KIAA0232: variants seen among roughly 807,000 people sequenced by gnomAD.
KIAA0232 encodes the protein KIAA0232, also known as uncharacterized protein KIAA0232.
Under a neutral mutation model 122.0 loss-of-function variants are expected in KIAA0232, and 27 were observed. That is an observed-to-expected ratio of 0.22 (90% CI 0.16 to 0.31). The LOEUF (loss-of-function observed/expected upper bound fraction) is 0.31. Among genes scored for constraint, KIAA0232 ranks in the 10% least tolerant of loss-of-function variants. The pLI is 1.00. For synonymous variants in KIAA0232, 613 were observed against 587.6 expected, an observed-to-expected ratio of 1.04 and a Z score of -0.63; for missense variants, 1,551 against 1,634.2, an observed-to-expected ratio of 0.95 and a Z score of 0.88.
At chr4:6,808,478 T>C (rs922200817) in intron 2 of KIAA0232, among the ~76,000 whole-genome samples, 2 of 144,050 alleles carry the variant, frequency 1.4e-5, no homozygotes. Flanking sequence ...AGTACCATAC[T>C]AGATCAAAGG....
chr4:6,810,460 T>C (rs1055281358), intron 2 of KIAA0232, among the ~76,000 whole-genome samples: 6 of 152,268 alleles, frequency 3.9e-5, no homozygotes, highest in African/African-American at 1.2e-4. Context: ...CGTTAAGACC[T>C]GAAACTATAA....
intron 9 of KIAA0232, among the ~76,000 whole-genome samples, chr4:6,877,220 G>T (rs1337458464): frequency 6.6e-6 from 1 of 152,068 alleles, no homozygotes; most frequent in Non-Finnish European, 1.5e-5. Context: ...CCCTTTCCGT[G>T]TCCTCCTGCA....
intron 1 of KIAA0232, among the ~76,000 whole-genome samples, chr4:6,786,115 G>T (rs1335306137): frequency 6.6e-6 from 1 of 152,076 alleles, no homozygotes; most frequent in African/African-American, 2.4e-5. Flanking sequence ...TCTGGCTGTG[G>T]TGTCTATCCT....
chr4:6,832,213 A>C (rs184465897), intron 3 of KIAA0232, among the ~76,000 whole-genome samples: 16 of 152,312 alleles, frequency 1.1e-4, no homozygotes, highest in Admixed American at 7.2e-4. Context: ...CTGTATTTAA[A>C]ATAGAAGCCT....
chr4:6,792,582 T>C (rs1250134331), intron 1 of KIAA0232, among the ~76,000 whole-genome samples: 1 of 152,150 alleles, frequency 6.6e-6, no homozygotes, highest in African/African-American at 2.4e-5. Flanking sequence ...GCTCATAAAG[T>C]TTATAAAGGC....
chr4:6,807,082 T>C lies in KIAA0232; in HGVS notation c.-270+2476T>C, dbSNP rs74718809. Among the ~76,000 whole-genome samples the C allele has an allele frequency of 3.8e-3, 505 of 131,190 alleles. 2 individuals carry two copies. Among genetic ancestry groups the C allele is most frequent in the African/African-American group, 0.015 (482 of 31,166 alleles). 86.1% of individuals were successfully genotyped at this position (131,190 alleles called of 152,430 possible). On this transcript the variant is annotated intron_variant, in intron 2 of 9. Coordinates refer to ENST00000307659, the MANE Select transcript of KIAA0232 (RefSeq NM_014743.3). ...TCTATCTATCTATCTATCTATCTATTTAAGACAGGGTCCTGCTATGTTGCC... is the reference window on the plus strand; with the variant it reads ...TCTATCTATCTATCTATCTATCTATCTAAGACAGGGTCCTGCTATGTTGCC...
At position 6,861,694 on chromosome 4, in the gene KIAA0232, G is replaced by A. The variant is rs1447292290; in HGVS notation, c.1312G>A (p.Val438Met). The change falls in exon 7 of 10, where the codon GTG (valine) becomes ATG (methionine). Residue 438 changes from valine (V) to methionine (M), a missense_variant. Coordinates refer to ENST00000307659, the MANE Select transcript of KIAA0232 (RefSeq NM_014743.3). ...QDTSDLTSEA[V>M]EELSESVHGL... ...TACAAGTGATCTGACATCAGAGGCA[G>A]TGGAAGAATTGTCTGAATCAGTGCA... The A allele has an allele frequency of 6.2e-7, 1 of 1,614,134 alleles. No homozygotes were observed. Among genetic ancestry groups the A allele is most frequent in the Non-Finnish European group, 8.5e-7 (1 of 1,180,036 alleles).
At chr4:6,803,011 C>CAAAAA (rs746215162) in intron 1 of KIAA0232, among the ~76,000 whole-genome samples, 11 of 48,484 alleles carry the variant, frequency 2.3e-4, no homozygotes, top group African/African-American at 8.7e-4. Context: ...CTGTCTTGAC[C>CAAAAA]AAAAAAAAAA....
chr4:6,865,374 A>G (rs960663928), intron 7 of KIAA0232, among the ~76,000 whole-genome samples: 1 of 152,174 alleles, frequency 6.6e-6, no homozygotes, highest in Non-Finnish European at 1.5e-5. Context: ...ATCTCAGCTC[A>G]CTGCAACCTC....
intron 1 of KIAA0232, among the ~76,000 whole-genome samples, chr4:6,803,858 A>G (rs1021065477): frequency 2.6e-5 from 4 of 152,160 alleles, no homozygotes; most frequent in Non-Finnish European, 5.9e-5. Context: ...TGACTTGAAC[A>G]TATCTGAAAT....
intron 2 of KIAA0232, among the ~76,000 whole-genome samples, chr4:6,805,601 G>T (rs138981751): frequency 6.6e-6 from 1 of 151,998 alleles, no homozygotes; most frequent in Non-Finnish European, 1.5e-5. Flanking sequence ...AGATATTTGT[G>T]GTTTTGAGTT....
chr4:6,860,420 A>G (rs1423236128), intron 6 of KIAA0232, among the ~76,000 whole-genome samples: 3 of 152,208 alleles, frequency 2.0e-5, no homozygotes, highest in Admixed American at 6.5e-5. Context: ...TTTTAACCGC[A>G]TATATTTTCA....
chr4:6,874,068 A>G (rs986682514), intron 8 of KIAA0232, among the ~76,000 whole-genome samples: 3 of 152,232 alleles, frequency 2.0e-5, no homozygotes, highest in Non-Finnish European at 4.4e-5. Context: ...CAGTAAGGCG[A>G]GGAAACAGGC....
intron 2 of KIAA0232, among the ~76,000 whole-genome samples, chr4:6,816,258 C>T (rs1318172288): frequency 6.7e-6 from 1 of 150,196 alleles, no homozygotes; most frequent in East Asian, 1.9e-4. Flanking sequence ...GCATATTGGT[C>T]TTCTTTGTTT....
chr4:6,828,840 T>G (rs1269782899), intron 3 of KIAA0232, among the ~76,000 whole-genome samples: 2 of 152,192 alleles, frequency 1.3e-5, no homozygotes, highest in African/African-American at 4.8e-5. Flanking sequence ...GCATGTACTT[T>G]TTAAGATCAA....
chr4:6,835,522 G>A (rs1719217988), intron 3 of KIAA0232, among the ~76,000 whole-genome samples: 1 of 152,142 alleles, frequency 6.6e-6, no homozygotes, highest in African/African-American at 2.4e-5. Context: ...CAATGTGCAG[G>A]TTCGTTACAT....
intron 1 of KIAA0232, among the ~76,000 whole-genome samples, chr4:6,794,054 G>C (rs1177399171): frequency 6.6e-6 from 1 of 152,242 alleles, no homozygotes; most frequent in Non-Finnish European, 1.5e-5. Context: ...TAGACATCCA[G>C]GAGGTTTATT....
At position 6,863,533 on chromosome 4, in the gene KIAA0232, G is replaced by A. The variant is rs1467541521; in HGVS notation, c.3151G>A (p.Val1051Ile). ...TGACTTAAGCAATCCATTTTCACAA[G>A]TTCTTCATGTAGAATGCTCATTTGA... ...SFDLSNPFSQ[V>I]LHVECSFEPE... The change falls in exon 7 of 10, where the codon GTT (valine) becomes ATT (isoleucine). Residue 1051 changes from valine (V) to isoleucine (I), a missense_variant. Coordinates refer to ENST00000307659, the MANE Select transcript of KIAA0232 (RefSeq NM_014743.3). The A allele has an allele frequency of 1.9e-6, 3 of 1,614,038 alleles. No individual in the cohort carries two copies. Among genetic ancestry groups the A allele is most frequent in the Admixed American group, 3.3e-5 (2 of 59,992 alleles).
chr4:6,875,922 A>G (rs1440958781), intron 8 of KIAA0232, among the ~76,000 whole-genome samples: 5 of 152,132 alleles, frequency 3.3e-5, no homozygotes, highest in Non-Finnish European at 7.4e-5. Flanking sequence ...TGCTTTTCAG[A>G]AAGTGCCCAG....
Sources: allele counts gnomAD v4.1 joint callset (sites outside exome capture counted in the v4.1 genomes callset), GRCh38; gene constraint gnomAD v4.1.1; transcripts MANE v1.5; gene names NCBI Gene and HGNC (gene_info 2026-07-23, HGNC 2026-07-21).